MACROD2: variants seen among roughly 807,000 people sequenced by gnomAD.
The protein encoded by MACROD2 is ADP-ribose glycohydrolase MACROD2.
A neutral mutation model predicts 70.4 loss-of-function variants in MACROD2; 36 were observed. That is an observed-to-expected ratio of 0.51 (90% CI 0.39 to 0.68). The LOEUF (loss-of-function observed/expected upper bound fraction) is 0.68. Among genes scored for constraint, MACROD2 ranks in the 30% least tolerant of loss-of-function variants. The pLI is 0.00. For missense variants in MACROD2, 496 were observed against 538.4 expected (o/e 0.92, Z 0.78); for synonymous variants, 172 against 178.8 (o/e 0.96, Z 0.30).
intron 3 of MACROD2, among the ~76,000 whole-genome samples, chr20:14,164,917 G>T (rs1277057055): frequency 6.6e-6 from 1 of 152,170 alleles, no homozygotes. Context: ...GCCCATAGTG[G>T]CAGTGGCTGT....
At chr20:14,903,924 A>G (rs2122562361) in intron 5 of MACROD2, among the ~76,000 whole-genome samples, 1 of 152,324 alleles carries the variant, frequency 6.6e-6, no homozygotes, top group South Asian at 2.1e-4. Context: ...TTTTCTTCAC[A>G]TTCTCTCGCT....
intron 4 of MACROD2, among the ~76,000 whole-genome samples, chr20:14,523,824 A>G (rs953776934): frequency 6.6e-6 from 1 of 152,180 alleles, no homozygotes; most frequent in African/African-American, 2.4e-5. Context: ...GTATCTGAGT[A>G]TTTTGTGTCT....
At chr20:15,492,029 G>C (rs888061644) in intron 7 of MACROD2, among the ~76,000 whole-genome samples, 1 of 152,194 alleles carries the variant, frequency 6.6e-6, no homozygotes, top group Admixed American at 6.5e-5. Context: ...GCCCCTTTGT[G>C]CTCCTGGGCG....
chr20:14,995,791 T>A (rs1182531156), intron 5 of MACROD2, among the ~76,000 whole-genome samples: 1 of 152,080 alleles, frequency 6.6e-6, no homozygotes, highest in African/African-American at 2.4e-5. Flanking sequence ...ATAAAAATAT[T>A]ACGTATCGAA....
chr20:15,225,984 C>T (rs2076902688), intron 5 of MACROD2, among the ~76,000 whole-genome samples: 1 of 152,196 alleles, frequency 6.6e-6, no homozygotes, highest in Middle Eastern at 3.2e-3. Flanking sequence ...CCAATTTGCA[C>T]TTCGCTGTAT....
At chr20:15,596,524 C>A (rs757773917) in intron 8 of MACROD2, among the ~76,000 whole-genome samples, 1 of 152,220 alleles carries the variant, frequency 6.6e-6, no homozygotes, top group Non-Finnish European at 1.5e-5. Context: ...TCCTCCATAA[C>A]AAGTCATTTA....
At chr20:14,947,297 G>A (rs1259696834) in intron 5 of MACROD2, among the ~76,000 whole-genome samples, 1 of 152,172 alleles carries the variant, frequency 6.6e-6, no homozygotes, top group Non-Finnish European at 1.5e-5. Flanking sequence ...GAACAGCAAA[G>A]TGAAGTGATT....
At chr20:14,437,890 A>G (rs972985397) in intron 3 of MACROD2, among the ~76,000 whole-genome samples, 1 of 152,200 alleles carries the variant, frequency 6.6e-6, no homozygotes, top group East Asian at 1.9e-4. Context: ...AATTATTACT[A>G]TAGTGGAACA....
At chr20:14,902,603 G>A (rs1287731237) in intron 5 of MACROD2, among the ~76,000 whole-genome samples, 1 of 152,102 alleles carries the variant, frequency 6.6e-6, no homozygotes, top group Non-Finnish European at 1.5e-5. Context: ...GCCAATTTGT[G>A]GTCAGGGTTG....
At chr20:15,677,911 CA>C (rs1365677541) in intron 8 of MACROD2, among the ~76,000 whole-genome samples, 1 of 151,928 alleles carries the variant, frequency 6.6e-6, no homozygotes, top group Admixed American at 6.6e-5. Context: ...ACTAAAAATA[CA>C]AAATTAGCCA....
At chr20:15,632,645 A>G (rs2049307942) in intron 8 of MACROD2, among the ~76,000 whole-genome samples, 3 of 152,216 alleles carry the variant, frequency 2.0e-5, no homozygotes, top group Admixed American at 2.0e-4. Context: ...AAAGAACTCT[A>G]TCATAAGGGA....
intron 7 of MACROD2, 51 bp downstream of exon 7, chr20:15,431,486 A>C (rs371890985): frequency 6.5e-7 from 1 of 1,535,982 alleles, no homozygotes; most frequent in African/African-American, 1.4e-5. Context: ...TTTGCTGTTA[A>C]ATGCAGAGAT....
chr20:14,560,173 A>G (rs1979329034), intron 4 of MACROD2, among the ~76,000 whole-genome samples: 1 of 151,828 alleles, frequency 6.6e-6, no homozygotes, highest in Non-Finnish European at 1.5e-5. Flanking sequence ...GAGACCTTTT[A>G]AAAGTAAGAT....
At chr20:15,068,535 C>T (rs1407537408) in intron 5 of MACROD2, among the ~76,000 whole-genome samples, 3 of 152,024 alleles carry the variant, frequency 2.0e-5, no homozygotes, top group Admixed American at 2.0e-4. Context: ...TGGTTTGGTG[C>T]CCTCCTCATA....
At chr20:15,691,815 G>A (rs114799693) in intron 8 of MACROD2, among the ~76,000 whole-genome samples, 15 of 152,186 alleles carry the variant, frequency 9.9e-5, no homozygotes, top group Non-Finnish European at 1.6e-4. Context: ...ATTTCTGACC[G>A]CTTTATCCTA....
chr20:15,706,332 G>T (rs960890975), intron 8 of MACROD2, among the ~76,000 whole-genome samples: 25 of 152,176 alleles, frequency 1.6e-4, no homozygotes, highest in African/African-American at 5.8e-4. Flanking sequence ...TAAAGTGAAA[G>T]GGTTGAAGTA....
chr20:15,372,666 T>G (rs759737480), intron 6 of MACROD2, among the ~76,000 whole-genome samples: 3 of 152,212 alleles, frequency 2.0e-5, no homozygotes, highest in Non-Finnish European at 2.9e-5. Context: ...ACTTTGTCCA[T>G]GGAGACAGAT....
intron 8 of MACROD2, among the ~76,000 whole-genome samples, chr20:15,508,384 G>A (rs988330815): frequency 1.3e-5 from 2 of 151,992 alleles, no homozygotes; most frequent in African/African-American, 4.8e-5. Context: ...AGACCTTCTA[G>A]AAAGAGTTCT....
chr20:15,121,839 A>G (rs1289322429), intron 5 of MACROD2, among the ~76,000 whole-genome samples: 3 of 152,180 alleles, frequency 2.0e-5, no homozygotes, highest in South Asian at 2.1e-4. Flanking sequence ...TGAAACTAGG[A>G]TGATGACTTC....
Sources: allele counts gnomAD v4.1 joint callset (sites outside exome capture counted in the v4.1 genomes callset), GRCh38; gene constraint gnomAD v4.1.1; transcripts MANE v1.5; gene names NCBI Gene and HGNC (gene_info 2026-07-23, HGNC 2026-07-21).